The following BNC2 variants were observed in gnomAD, a reference collection of about 807,000 sequenced individuals.
The protein encoded by BNC2 is basonuclin zinc finger protein 2, also known as zinc finger protein basonuclin-2.
In BNC2, 20 loss-of-function variants were observed where a neutral mutation model predicts 76.3. The observed-to-expected ratio is 0.26, with a 90% CI of 0.18 to 0.38. The LOEUF is 0.38. Ranked by LOEUF, BNC2 falls within the 10% of genes least tolerant of loss-of-function variation. The pLI is 1.00. For synonymous variants in BNC2, 582 were observed against 514.8 expected (o/e 1.13, Z -1.77); for missense variants, 1,382 against 1,399.8 (o/e 0.99, Z 0.20).
intron 3 of BNC2, among the ~76,000 whole-genome samples, chr9:16,622,117 G>A (rs1437643100): frequency 6.6e-6 from 1 of 151,992 alleles, no homozygotes; most frequent in African/African-American, 2.4e-5. Flanking sequence ...CCAAATGAGA[G>A]GGATGAAAAT....
At chr9:16,866,252 T>C (rs551776424) in intron 1 of BNC2, among the ~76,000 whole-genome samples, 1 of 152,270 alleles carries the variant, frequency 6.6e-6, no homozygotes, top group African/African-American at 2.4e-5. Context: ...TATTTTTTGA[T>C]CCATAATAAG....
At chr9:16,780,246 A>AC (rs1563939929) in intron 1 of BNC2, among the ~76,000 whole-genome samples, 27 of 118,032 alleles carry the variant, frequency 2.3e-4, no homozygotes, top group African/African-American at 6.3e-4. Flanking sequence ...AAAAAAAAAA[A>AC]AAAAAAAAAA....
At chr9:16,600,160 C>A (rs949017393) in intron 3 of BNC2, among the ~76,000 whole-genome samples, 2 of 152,076 alleles carry the variant, frequency 1.3e-5, no homozygotes, top group African/African-American at 4.8e-5. Context: ...CTGTAAAGTA[C>A]CTTGTAAGTT....
intron 1 of BNC2, among the ~76,000 whole-genome samples, chr9:16,846,779 C>T (rs1818993127): frequency 6.6e-6 from 1 of 152,216 alleles, no homozygotes; most frequent in South Asian, 2.1e-4. Context: ...GTGACCAAAG[C>T]ACCAGCAGGT....
intron 1 of BNC2, among the ~76,000 whole-genome samples, chr9:16,842,313 GT>G (rs1193469143): frequency 2.0e-5 from 3 of 152,114 alleles, no homozygotes; most frequent in Non-Finnish European, 4.4e-5. Context: ...GATACTTTCT[GT>G]TTCTGTGATA....
Position 16,804,369 on chromosome 9 carries a change from T to A in BNC2, c.4-65884A>T, listed in dbSNP as rs78911857. On this transcript the variant is annotated intron_variant, in intron 1 of 6. Transcript: ENST00000380672. The stretch of plus-strand genomic sequence containing the variant: ...TGAGGGCATTGAAACACATGGAAGT[T>A]AACTGACTTCCTCGTGGTCACAGCT... 4.1e-3 allele frequency among the ~76,000 whole-genome samples: 623 copies of A among 152,328 alleles called. 5 individuals are homozygous for A. The highest frequency in any genetic ancestry group is 0.014 in the African/African-American group (586 of 41,584).
At chr9:16,427,692 C>T (rs997058991) in intron 6 of BNC2, among the ~76,000 whole-genome samples, 3 of 152,142 alleles carry the variant, frequency 2.0e-5, no homozygotes, top group Admixed American at 6.5e-5. Flanking sequence ...ATCCCAGTCA[C>T]GCATGAGGAT....
intron 5 of BNC2, among the ~76,000 whole-genome samples, chr9:16,446,424 T>C (rs1821233137): frequency 6.6e-6 from 1 of 152,122 alleles, no homozygotes; most frequent in African/African-American, 2.4e-5. Flanking sequence ...TTTGAAGTAG[T>C]GGCTTTGATA....
At chr9:16,855,827 C>T (rs1274471601) in intron 1 of BNC2, among the ~76,000 whole-genome samples, 1 of 152,000 alleles carries the variant, frequency 6.6e-6, no homozygotes, top group African/African-American at 2.4e-5. Context: ...GGATTACAGG[C>T]GTGAGCCACC....
intron 4 of BNC2, among the ~76,000 whole-genome samples, chr9:16,572,462 C>T (rs1257358520): frequency 6.6e-6 from 1 of 152,122 alleles, no homozygotes; most frequent in Non-Finnish European, 1.5e-5. Flanking sequence ...TTTCCATAAG[C>T]TTAGAGTTTC....
chr9:16,516,283 G>C (rs902759580), intron 5 of BNC2, among the ~76,000 whole-genome samples: 2 of 151,404 alleles, frequency 1.3e-5, no homozygotes, highest in African/African-American at 4.9e-5. Flanking sequence ...TGTAGATAAC[G>C]TTCTTGTGAT....
chr9:16,787,470 A>C (rs1057342738), intron 1 of BNC2, among the ~76,000 whole-genome samples: 1 of 152,210 alleles, frequency 6.6e-6, no homozygotes, highest in Non-Finnish European at 1.5e-5. Context: ...GCTGTCTGTC[A>C]CTGGGCAAGT....
chr9:16,737,923 CA>C (rs1443640080), intron 2 of BNC2, among the ~76,000 whole-genome samples: 1 of 152,028 alleles, frequency 6.6e-6, no homozygotes, highest in Non-Finnish European at 1.5e-5. Flanking sequence ...TAAAATTTAT[CA>C]GGCTATACAC....
chr9:16,605,931 A>G lies in BNC2; in HGVS notation c.331-22846T>C, dbSNP rs577487359. Among the ~76,000 whole-genome samples, 53 of 152,134 alleles carry G rather than the reference A, an allele frequency of 3.5e-4. No individual in the cohort carries two copies. In the South Asian group the frequency reaches 7.3e-3, roughly 21 times the overall value. Reference sequence around the variant, plus strand: ...CAGCCTCCCAAGTAGCTGGGACTACAGGTGCACACCACCATGCCTGGCTAA... The same window carrying G: ...CAGCCTCCCAAGTAGCTGGGACTACGGGTGCACACCACCATGCCTGGCTAA... On this transcript the variant is annotated intron_variant, in intron 3 of 6. Transcript: ENST00000380672.
At chr9:16,806,865 ACT>A (rs1817927387) in intron 1 of BNC2, among the ~76,000 whole-genome samples, 1 of 151,438 alleles carries the variant, frequency 6.6e-6, no homozygotes, top group South Asian at 2.1e-4. Context: ...GAGAATAGAA[ACT>A]CTCTCCCCAG....
chr9:16,530,518 C>T lies in BNC2; in HGVS notation c.669+22012G>A, dbSNP rs927586892. Among the ~76,000 whole-genome samples the T allele has an allele frequency of 3.6e-4, 55 of 152,094 alleles. 1 individual carries two copies. The highest frequency in any genetic ancestry group is 3.5e-3 in the Admixed American group (53 of 15,276). ...GCTTTTCTCTGTCTAGGAGAGAGGG[C>T]GATGATCAAGATCCACTTTTATGGA... On this transcript the variant is annotated intron_variant, in intron 5 of 6. Coordinates refer to ENST00000380672, the MANE Select transcript of BNC2 (RefSeq NM_017637.6).
At chr9:16,534,491 T>C (rs2132273090) in intron 5 of BNC2, among the ~76,000 whole-genome samples, 1 of 152,284 alleles carries the variant, frequency 6.6e-6, no homozygotes, top group African/African-American at 2.4e-5. Context: ...AAATACATTG[T>C]CATTTATCAT....
At chr9:16,730,818 C>T (rs1219258262) in intron 2 of BNC2, among the ~76,000 whole-genome samples, 1 of 152,172 alleles carries the variant, frequency 6.6e-6, no homozygotes, top group Non-Finnish European at 1.5e-5. Context: ...ACTGCACCTG[C>T]TAAATGGATT....
At chr9:16,620,233 G>A (rs1326921907) in intron 3 of BNC2, among the ~76,000 whole-genome samples, 1 of 152,168 alleles carries the variant, frequency 6.6e-6, no homozygotes, top group Non-Finnish European at 1.5e-5. Context: ...AAATAGTGCT[G>A]CTTCTGCTTT....
Sources: allele counts gnomAD v4.1 joint callset (sites outside exome capture counted in the v4.1 genomes callset), GRCh38; gene constraint gnomAD v4.1.1; transcripts MANE v1.5; gene names NCBI Gene and HGNC (gene_info 2026-07-23, HGNC 2026-07-21).